Variants in ADAMTS6 observed in about 807,000 individuals in gnomAD.
ADAMTS6 encodes the protein ADAM metallopeptidase with thrombospondin type 1 motif 6, also known as A disintegrin and metalloproteinase with thrombospondin motifs 6.
Under a neutral mutation model 144.3 loss-of-function variants are expected in ADAMTS6, and 23 were observed. That is an observed-to-expected ratio of 0.16 (90% confidence interval 0.11 to 0.23). ADAMTS6 has a LOEUF of 0.23. Among genes scored for constraint, ADAMTS6 ranks in the 10% least tolerant of loss-of-function variants. The pLI is 1.00. For missense variants in ADAMTS6, 999 were observed against 1,379.6 expected (o/e 0.72, Z 4.37); for synonymous variants, 444 against 457.5 (o/e 0.97, Z 0.38).
At chr5:65,179,954 ACG>A (rs527898263) in intron 22 of ADAMTS6, among the ~76,000 whole-genome samples, 5,560 of 95,510 alleles carry the variant, frequency 0.058, 136 homozygotes, top group African/African-American at 0.11. Context: ...ATGTGCACGC[ACG>A]CGCACACACA....
intron 24 of ADAMTS6, among the ~76,000 whole-genome samples, chr5:65,162,168 A>T (rs1413589495): frequency 1.3e-5 from 2 of 152,230 alleles, no homozygotes; most frequent in Admixed American, 1.3e-4. Context: ...TAGTTTTGAA[A>T]CTTATTATAC....
intron 10 of ADAMTS6, among the ~76,000 whole-genome samples, chr5:65,292,385 T>C (rs1229328156): frequency 1.3e-5 from 2 of 151,110 alleles, no homozygotes; most frequent in East Asian, 1.9e-4. Context: ...CCAGCACTTG[T>C]GTTTTTTTTT....
At chr5:65,402,116 T>C (rs1391987179) in intron 7 of ADAMTS6, among the ~76,000 whole-genome samples, 1 of 152,144 alleles carries the variant, frequency 6.6e-6, no homozygotes, top group Admixed American at 6.6e-5. Flanking sequence ...CCATCGCTCA[T>C]CTTCCAAGTT....
In ADAMTS6 at chr5:65,191,757, C is replaced by T. The variant is rs73761659; in HGVS notation, c.2706-3537G>A. On this transcript the variant is annotated intron_variant, in intron 21 of 24. Coordinates refer to ENST00000381055, the MANE Select transcript of ADAMTS6 (RefSeq NM_197941.4). ...AAAGTGAAACTAATATTAAGCAGAA[C>T]ACTGTATGCCCTAAACATTATACAG... Among the ~76,000 whole-genome samples, 1,351 of 152,056 alleles carry T rather than the reference C, an allele frequency of 8.9e-3. 21 individuals are homozygous for T. The highest frequency in any genetic ancestry group is 0.031 in the African/African-American group (1,268 of 41,498).
At chr5:65,472,979 G>A (rs1760580154) in intron 2 of ADAMTS6, among the ~76,000 whole-genome samples, 1 of 152,070 alleles carries the variant, frequency 6.6e-6, no homozygotes, top group Admixed American at 6.5e-5. Context: ...GACTGGACTG[G>A]TCCATGGAAA....
At chr5:65,272,044 C>T (rs1762097220) in intron 12 of ADAMTS6, among the ~76,000 whole-genome samples, 1 of 152,120 alleles carries the variant, frequency 6.6e-6, no homozygotes, top group African/African-American at 2.4e-5. Flanking sequence ...GAAAAGCCAT[C>T]AACATGGCAC....
chr5:65,321,708 CTTTTT>C (rs529236363), intron 9 of ADAMTS6, among the ~76,000 whole-genome samples: 11 of 78,874 alleles, frequency 1.4e-4, no homozygotes, highest in East Asian at 4.4e-4. Flanking sequence ...TTTTCTTTTC[CTTTTT>C]TTTTTTTTTT....
intron 4 of ADAMTS6, among the ~76,000 whole-genome samples, chr5:65,455,290 C>T (rs1561557474): frequency 1.3e-5 from 2 of 152,220 alleles, no homozygotes; most frequent in South Asian, 2.1e-4. Flanking sequence ...CGCCCGTAAT[C>T]CCAACACTTT....
At chr5:65,162,743 G>T (rs949333939) in intron 24 of ADAMTS6, among the ~76,000 whole-genome samples, 2 of 150,936 alleles carry the variant, frequency 1.3e-5, no homozygotes. Flanking sequence ...ACCCAACACA[G>T]AATAATTTAA....
chr5:65,441,654 C>T (rs956545191), intron 7 of ADAMTS6, among the ~76,000 whole-genome samples: 15 of 151,880 alleles, frequency 9.9e-5, no homozygotes, highest in African/African-American at 3.6e-4. Flanking sequence ...GGAACATTTA[C>T]CAAGAAAGAC....
At chr5:65,225,189 T>C in intron 16 of ADAMTS6, 142 bp from the exon 17 acceptor site, 1 of 1,005,806 alleles carries the variant, frequency 9.9e-7, no homozygotes, top group South Asian at 2.0e-5. Context: ...AAAACCATAC[T>C]TGGGTCTTTG....
At chr5:65,316,290 A>T (rs1024065257) in intron 9 of ADAMTS6, among the ~76,000 whole-genome samples, 1 of 152,232 alleles carries the variant, frequency 6.6e-6, no homozygotes, top group African/African-American at 2.4e-5. Context: ...ATATATAGTT[A>T]GTTGACCTGA....
At chr5:65,279,360 G>A (rs558990474) in intron 11 of ADAMTS6, among the ~76,000 whole-genome samples, 6 of 151,912 alleles carry the variant, frequency 3.9e-5, no homozygotes, top group East Asian at 3.9e-4. Context: ...TCTGTCACCC[G>A]GGCTAGAGTG....
chr5:65,433,716 T>C (rs1350338156), intron 7 of ADAMTS6, among the ~76,000 whole-genome samples: 2 of 152,142 alleles, frequency 1.3e-5, no homozygotes, highest in African/African-American at 2.4e-5. Flanking sequence ...TTACTCCTAC[T>C]AGAAAGATTA....
intron 14 of ADAMTS6, among the ~76,000 whole-genome samples, chr5:65,250,964 C>T (rs949772406): frequency 1.3e-5 from 2 of 152,140 alleles, no homozygotes; most frequent in African/African-American, 2.4e-5. Context: ...ACTTCTGCTA[C>T]TTAAAATAGT....
At chr5:65,203,849 T>C (rs1755902739) in intron 20 of ADAMTS6, among the ~76,000 whole-genome samples, 1 of 152,216 alleles carries the variant, frequency 6.6e-6, no homozygotes, top group African/African-American at 2.4e-5. Flanking sequence ...AAAAATACTA[T>C]TTTGGAAAGA....
Position 65,417,446 on chromosome 5 carries a change from C to T in ADAMTS6, c.1073+34029G>A, listed in dbSNP as rs184708583. On this transcript the variant is annotated intron_variant, in intron 7 of 24. Transcript: ENST00000381055. ...AAAAGAAGAAGGCAAACTATCTCTG[C>T]GCATAGGATGATATAATCCTATATT... is the stretch of plus-strand genomic sequence containing the variant. 5.3e-5 allele frequency among the ~76,000 whole-genome samples: 8 copies of T among 152,174 alleles called. No homozygotes were observed. The South Asian group carries it at 8.3e-4, about 16-fold the overall frequency.
chr5:65,268,638 T>C (rs1761816927), intron 12 of ADAMTS6, among the ~76,000 whole-genome samples: 1 of 152,188 alleles, frequency 6.6e-6, no homozygotes, highest in Non-Finnish European at 1.5e-5. Flanking sequence ...ATTCAATCCT[T>C]GAATGGCTTA....
intron 7 of ADAMTS6, among the ~76,000 whole-genome samples, chr5:65,416,515 A>C (rs1755523312): frequency 6.6e-6 from 1 of 152,216 alleles, no homozygotes; most frequent in South Asian, 2.1e-4. Flanking sequence ...ATTATTCATA[A>C]TGGCCCAAAG....
Sources: allele counts gnomAD v4.1 joint callset (sites outside exome capture counted in the v4.1 genomes callset), GRCh38; gene constraint gnomAD v4.1.1; transcripts MANE v1.5; gene names NCBI Gene and HGNC (gene_info 2026-07-23, HGNC 2026-07-21).